Variants in GLRA2 observed in about 807,000 individuals in gnomAD.
GLRA2 encodes glycine receptor subunit alpha-2.
Under a neutral mutation model 31.6 loss-of-function variants are expected in GLRA2, and 11 were observed. The ratio of observed to expected loss-of-function variants is 0.35; its 90% confidence interval spans 0.22 to 0.58. The LOEUF is 0.58. GLRA2 is among the 20% of genes least tolerant of loss of function. The pLI is 0.84. For synonymous variants in GLRA2, 132 were observed against 134.0 expected, an observed-to-expected ratio of 0.99 and a Z score of 0.10; for missense variants, 212 against 351.8, an observed-to-expected ratio of 0.60 and a Z score of 3.18.
intron 2 of GLRA2, among the ~76,000 whole-genome samples, chrX:14,545,236 C>G (rs1030981129): frequency 9.0e-6 from 1 of 111,410 alleles, no homozygotes; most frequent in Non-Finnish European, 1.9e-5. Flanking sequence ...GTTCTGGAGG[C>G]TTGGGAGTCC....
chrX:14,571,433 G>T (rs892567375), intron 2 of GLRA2, among the ~76,000 whole-genome samples: 2 of 112,060 alleles, frequency 1.8e-5, no homozygotes, highest in Non-Finnish European at 1.9e-5. Context: ...GAACTTGCAG[G>T]TCAACTTCCA....
chrX:14,577,019 T>C (rs897393899), intron 3 of GLRA2, among the ~76,000 whole-genome samples: 3 of 113,101 alleles, frequency 2.7e-5, no homozygotes, highest in African/African-American at 9.6e-5. Context: ...AACTCTATCA[T>C]GCTTGTCAAA....
intron 7 of GLRA2, among the ~76,000 whole-genome samples, chrX:14,654,871 C>A (rs966705785): frequency 8.9e-6 from 1 of 111,739 alleles, no homozygotes; most frequent in Non-Finnish European, 1.9e-5. Context: ...TCTCACATGG[C>A]AGCAGACAAG....
At chrX:14,531,272 C>A in intron 1 of GLRA2, 1 of 411,862 alleles carries the variant, frequency 2.4e-6, no homozygotes, top group Non-Finnish European at 3.9e-6. Context: ...CTTTGAAAAG[C>A]TGGCAAGAAT....
intron 8 of GLRA2, among the ~76,000 whole-genome samples, chrX:14,717,204 A>AC (rs1447308290): frequency 9.1e-6 from 1 of 110,135 alleles, no homozygotes; most frequent in East Asian, 2.9e-4. Context: ...AACTGGGGGC[A>AC]CCCTCCAAGT....
chrX:14,540,958 G>T (rs2147009105), intron 2 of GLRA2, among the ~76,000 whole-genome samples: 1 of 108,077 alleles, frequency 9.3e-6, no homozygotes, highest in Non-Finnish European at 1.9e-5. Flanking sequence ...AGAGAGAAAG[G>T]AAAAAGAGAG....
chrX:14,558,661 C>G (rs1449720395), intron 2 of GLRA2, among the ~76,000 whole-genome samples: 2 of 111,567 alleles, frequency 1.8e-5, no homozygotes, highest in Non-Finnish European at 3.8e-5. Context: ...ATTCTCAAAG[C>G]CCTTTGACAT....
At chrX:14,681,910 A>AAAATATATATATATATATAT (rs758563376) in intron 7 of GLRA2, among the ~76,000 whole-genome samples, 2 of 41,294 alleles carry the variant, frequency 4.8e-5, no homozygotes, top group African/African-American at 2.4e-4. Flanking sequence ...AAAAAAAAAA[A>AAAATATATATATATATATAT]ATATATATAT....
the GLRA2 span, among the ~76,000 whole-genome samples, chrX:14,487,415 A>AT: frequency 9.8e-6 from 1 of 102,286 alleles, no homozygotes; most frequent in Non-Finnish European, 2.0e-5. Context: ...AAAAAAAAAA[A>AT]GGTTTCCAAA....
chrX:14,705,847 A>G (rs1335345331), intron 8 of GLRA2, among the ~76,000 whole-genome samples: 2 of 112,051 alleles, frequency 1.8e-5, no homozygotes, highest in South Asian at 3.8e-4. Context: ...ACATGTTGAC[A>G]TGGGTGTAAA....
intron 7 of GLRA2, among the ~76,000 whole-genome samples, chrX:14,682,218 G>A (rs2091221432): frequency 9.2e-6 from 1 of 109,002 alleles, no homozygotes; most frequent in Admixed American, 9.9e-5. Flanking sequence ...AAAGAATTCT[G>A]AGGCATCTAT....
At chrX:14,512,511 C>T in the GLRA2 span, among the ~76,000 whole-genome samples, 2 of 111,040 alleles carry the variant, frequency 1.8e-5, 1 homozygote, top group African/African-American at 6.5e-5. Context: ...TGATCATATA[C>T]CTAGAAAACC....
At position 14,690,840 on chromosome X, in the gene GLRA2, G is replaced by A; in HGVS notation, c.1061G>A (p.Arg354Lys). The A allele has an allele frequency of 8.3e-7, 1 of 1,209,308 alleles. No individual in the cohort carries two copies. Among genetic ancestry groups the A allele is most frequent in the Non-Finnish European group, 1.1e-6 (1 of 893,430 alleles). ...QHKEFLRLRR[R>K]QKRQNKEEDV... The stretch of plus-strand genomic sequence containing the variant: ...AAGGAGTTCCTGCGCCTCCGAAGAA[G>A]ACAGAAGAGGCAGAATAAGGTATGA... Residue 354 changes from arginine (R) to lysine (K), a missense_variant, in exon 8 of 9, where the codon AGA becomes AAA. Coordinates refer to ENST00000218075, the MANE Select transcript of GLRA2 (RefSeq NM_002063.4).
rs989565 is a variant in GLRA2, at chrX:14,573,250, C to A, written c.203-1083C>A. Reference sequence around the variant, plus strand: ...CCAAATTTCCTCATTTCTAGAACCCCACACGGACTTCTGAAGAGGTTTAAA... The same window carrying A: ...CCAAATTTCCTCATTTCTAGAACCCAACACGGACTTCTGAAGAGGTTTAAA... On this transcript the variant is annotated intron_variant, in intron 2 of 8. Coordinates refer to ENST00000218075, the MANE Select transcript of GLRA2 (RefSeq NM_002063.4). 1.1e-4 allele frequency among the ~76,000 whole-genome samples: 12 copies of A among 110,441 alleles called. 1 individual carries two copies. In the East Asian group the frequency reaches 2.3e-3, roughly 21 times the overall value.
intron 1 of GLRA2, chrX:14,531,076 G>A: frequency 1.0e-6 from 1 of 964,247 alleles, no homozygotes; most frequent in Non-Finnish European, 1.3e-6. Flanking sequence ...AAAAAATATA[G>A]GCTGGTTTTT....
At chrX:14,727,316 C>A (rs2091940075) in intron 8 of GLRA2, among the ~76,000 whole-genome samples, 1 of 112,032 alleles carries the variant, frequency 8.9e-6, no homozygotes, top group Admixed American at 9.5e-5. Flanking sequence ...GGCATGAGGT[C>A]CCTGAGGCTT....
At chrX:14,557,154 C>T (rs1353217205) in intron 2 of GLRA2, among the ~76,000 whole-genome samples, 2 of 80,124 alleles carry the variant, frequency 2.5e-5, no homozygotes, top group African/African-American at 5.1e-5. Context: ...CTCGCTCTGT[C>T]GCCCAGGCTG....
rs1264274154 is a variant in GLRA2 at position 14,730,757 on chromosome X, A to T, written c.*272A>T. ...CATTGTTCTTTCAGTCAGACATGAT[A>T]TGCGCAACATTCAGACATGATATGC... On this transcript the variant is annotated 3_prime_UTR_variant, in exon 9 of 9. Coordinates refer to ENST00000218075, the MANE Select transcript of GLRA2 (RefSeq NM_002063.4). 3.2e-6 allele frequency: 1 copy of T among 312,485 alleles called. No individual in the cohort carries two copies. Among genetic ancestry groups the T allele is most frequent in the African/African-American group, 2.6e-5 (1 of 37,781 alleles). The allele number at this position is 312,485 out of a possible 1,213,427, so 25.8% of individuals were successfully genotyped here.
the GLRA2 span, among the ~76,000 whole-genome samples, chrX:14,515,398 A>C: frequency 3.6e-5 from 4 of 111,963 alleles, no homozygotes; most frequent in African/African-American, 1.3e-4. Context: ...CCTAATCCTG[A>C]TGATCCCAGT....
Sources: gnomAD v4.1 joint callset for allele counts (sites outside exome capture counted in the v4.1 genomes callset) on GRCh38, gnomAD v4.1.1 for gene constraint, MANE v1.5 for transcripts, NCBI Gene and HGNC (gene_info 2026-07-23, HGNC 2026-07-21) for gene names.